The following MGA variants were observed in gnomAD, a reference collection of about 807,000 sequenced individuals.
MGA encodes the protein MAX gene-associated protein.
In MGA, 40 loss-of-function variants were observed where a neutral mutation model predicts 261.1. That is an observed-to-expected ratio of 0.15 (90% CI 0.12 to 0.20). The LOEUF (loss-of-function observed/expected upper bound fraction) is 0.20, where lower values mean the gene tolerates loss of function less well. MGA is among the 10% of genes least tolerant of loss of function. The pLI is 1.00. For missense variants in MGA, 3,397 were observed against 3,630.5 expected (o/e 0.94, Z 1.65); for synonymous variants, 1,302 against 1,290.6 (o/e 1.01, Z -0.19).
At chr15:41,731,951 C>T (rs1309450585) in intron 11 of MGA, among the ~76,000 whole-genome samples, 1 of 152,146 alleles carries the variant, frequency 6.6e-6, no homozygotes, top group Non-Finnish European at 1.5e-5. Flanking sequence ...TGCCAGTGTG[C>T]TGTGCAATTA....
At chr15:41,764,528 C>T (rs2063692782) in intron 22 of MGA, among the ~76,000 whole-genome samples, 1 of 152,128 alleles carries the variant, frequency 6.6e-6, no homozygotes, top group African/African-American at 2.4e-5. Context: ...GCTGGGATTA[C>T]AGGCGTCAGC....
In MGA at chr15:41,705,330, T is replaced by C. The variant is rs139222477; in HGVS notation, c.2189-2398T>C. 5.6e-3 allele frequency among the ~76,000 whole-genome samples: 853 copies of C among 152,220 alleles called. 8 individuals carry two copies. Among genetic ancestry groups the C allele is most frequent in the African/African-American group, 0.02 (822 of 41,550 alleles). On this transcript the variant is annotated intron_variant, in intron 5 of 23. Coordinates refer to ENST00000219905, the MANE Select transcript of MGA (RefSeq NM_001164273.2). Reference sequence around the variant, plus strand: ...CCCTATGCTACCTACTGAAAGTCAGTTGGGAAAACATAACACTAAAGCTTC... The same window carrying C: ...CCCTATGCTACCTACTGAAAGTCAGCTGGGAAAACATAACACTAAAGCTTC...
chr15:41,714,718 C>A (rs549872222), intron 9 of MGA, among the ~76,000 whole-genome samples: 117 of 152,274 alleles, frequency 7.7e-4, no homozygotes, highest in Non-Finnish European at 1.5e-3. Context: ...GTCTTGAACT[C>A]CTGAGCTCAG....
intron 19 of MGA, 139 bp from the exon 20 acceptor site, chr15:41,760,184 A>G (rs1411632972): frequency 2.8e-6 from 2 of 722,598 alleles, no homozygotes; most frequent in East Asian, 5.3e-5. Flanking sequence ...GACTGGTAGT[A>G]AGATGACCAA....
chr15:41,662,134 TC>T (rs2057450891), intron 1 of MGA, among the ~76,000 whole-genome samples: 1 of 152,182 alleles, frequency 6.6e-6, no homozygotes, highest in African/African-American at 2.4e-5. Flanking sequence ...AACGGTTGTT[TC>T]TAGCGTTTGT....
At chr15:41,653,379 A>C (rs1251015371) in intron 1 of MGA, among the ~76,000 whole-genome samples, 1 of 151,332 alleles carries the variant, frequency 6.6e-6, no homozygotes, top group African/African-American at 2.4e-5. Flanking sequence ...AGAAAAAAAA[A>C]CAACAAAAAA....
chr15:41,736,519 G>A lies in MGA; in HGVS notation c.4255G>A (p.Gly1419Ser), dbSNP rs1567054045. 1.2e-6 allele frequency: 2 copies of A among 1,614,004 alleles called. No individual in the cohort carries two copies. The highest frequency in any genetic ancestry group is 1.7e-6 in the Non-Finnish European group (2 of 1,179,892). Residue 1419 changes from glycine to serine, a missense_variant, in exon 13 of 24, where the codon GGT (glycine) becomes AGT (serine). Physicochemically the swap from Gly to Ser is moderately conservative, Grantham distance 56. Transcript: ENST00000219905. ...GAAATCTGGATCAGAGACTCCTGAT[G>A]GTCCATTGTCCCCTGGGAAAATGGA...
chr15:41,765,120 G>A (rs1394853960), intron 23 of MGA, 58 bp downstream of exon 23: 11 of 1,566,878 alleles, frequency 7.0e-6, no homozygotes, highest in Middle Eastern at 1.7e-4. Flanking sequence ...AACATCTCAC[G>A]GTGACCAAGG....
chr15:41,669,697 A>G lies in MGA; in HGVS notation c.803A>G (p.Gln268Arg), dbSNP rs749805079. The G allele has an allele frequency of 1.9e-6, 3 of 1,613,668 alleles. No individual in the cohort carries two copies. The highest frequency in any genetic ancestry group is 1.7e-6 in the Non-Finnish European group (2 of 1,179,696). Residue 268 changes from glutamine to arginine, a missense_variant, in exon 2 of 24, where the codon CAG becomes CGG. Around this residue, in one of 9 missense-constraint regions of MGA, gnomAD observed 563 missense variants for 563.6 expected, o/e 1.00. Transcript: ENST00000219905. Reference sequence around the variant, plus strand: ...GATGATGGGCTGAATAATAAGCCCCAGAGAGATGGAAAACAAAAGAACAGC... The same window carrying G: ...GATGATGGGCTGAATAATAAGCCCCGGAGAGATGGAAAACAAAAGAACAGC...
At chr15:41,743,872 G>A (rs538271972) in intron 15 of MGA, among the ~76,000 whole-genome samples, 31 of 152,104 alleles carry the variant, frequency 2.0e-4, no homozygotes, top group Non-Finnish European at 3.8e-4. Flanking sequence ...TATTGGCTTA[G>A]GTTGAGTGAA....
At position 41,749,854 on chromosome 15, in the gene MGA, G is replaced by A; in HGVS notation, c.6247G>A (p.Val2083Ile). ...TAAGAGTTCCAAAGAAAAAGTGGCTGTTCTGGAAGTTAGGACCATTTCTGA... is the reference window on the plus strand; with the variant it reads ...TAAGAGTTCCAAAGAAAAAGTGGCTATTCTGGAAGTTAGGACCATTTCTGA... The change falls in exon 17 of 24, where the codon GTT becomes ATT. Residue 2083 changes from valine to isoleucine, a missense_variant. Val to Ile is a conservative substitution (Grantham distance 29). Coordinates refer to ENST00000219905, the MANE Select transcript of MGA (RefSeq NM_001164273.2). 1 of 1,613,908 alleles carries A rather than the reference G, an allele frequency of 6.2e-7. No individual in the cohort carries two copies. Among genetic ancestry groups the A allele is most frequent in the Non-Finnish European group, 8.5e-7 (1 of 1,179,882 alleles).
At position 41,729,050 on chromosome 15, in the gene MGA, C is replaced by T; in HGVS notation, c.3658-114C>T. ...TTGTGCTGTTTGATTTGAAAGTTTG[C>T]ATTAAAAAATTTCGACTGTTGTAAT... On this transcript the variant is annotated intron_variant, in intron 10 of 23. Transcript: ENST00000219905. The T allele has an allele frequency of 2.9e-6, 3 of 1,045,976 alleles. No homozygotes were observed. The East Asian group carries it at 7.8e-5, about 27-fold the overall frequency. 64.8% of individuals were successfully genotyped at this position (1,045,976 alleles called of 1,614,324 possible).
At chr15:41,737,341 G>C (rs2061840838) in intron 13 of MGA, among the ~76,000 whole-genome samples, 1 of 150,648 alleles carries the variant, frequency 6.6e-6, no homozygotes, top group Non-Finnish European at 1.5e-5. Flanking sequence ...TTTTAGTAGA[G>C]ACGGGGTTTC....
chr15:41,764,126 T>A (rs1311492164), intron 22 of MGA, among the ~76,000 whole-genome samples: 1 of 151,714 alleles, frequency 6.6e-6, no homozygotes, highest in East Asian at 1.9e-4. Context: ...ACCACTGTGC[T>A]CTAGCCTGTG....
chr15:41,718,312 T>TATATATATATACATATATATATAC (rs2060757111), intron 9 of MGA: 1 of 242,400 alleles, frequency 4.1e-6, no homozygotes, highest in Non-Finnish European at 7.8e-6. Flanking sequence ...TATATATATA[T>TATATATATATACATATATATATAC]ATATATATAC....
chr15:41,628,367 C>CAAAA (rs936932982), intron 1 of MGA, among the ~76,000 whole-genome samples: 1 of 47,084 alleles, frequency 2.1e-5, no homozygotes, highest in East Asian at 6.4e-4. Context: ...ACTCTGTATC[C>CAAAA]AAAAAAAAAA....
At chr15:41,690,317 A>T (rs2059207137) in intron 2 of MGA, among the ~76,000 whole-genome samples, 1 of 152,102 alleles carries the variant, frequency 6.6e-6, no homozygotes, top group African/African-American at 2.4e-5. Flanking sequence ...ACATTACCAC[A>T]TTTTTTTTAT....
chr15:41,763,318 G>T (rs1446930865), intron 22 of MGA, among the ~76,000 whole-genome samples: 1 of 150,690 alleles, frequency 6.6e-6, no homozygotes, highest in African/African-American at 2.4e-5. Flanking sequence ...AGCCAGGATG[G>T]TCTCGATCTC....
chr15:41,745,029 C>T (rs905850628), intron 15 of MGA, among the ~76,000 whole-genome samples: 2 of 152,150 alleles, frequency 1.3e-5, no homozygotes, highest in African/African-American at 2.4e-5. Flanking sequence ...CAGGTGCCCG[C>T]CACCACGCAG....
Sources: allele counts gnomAD v4.1 joint callset (sites outside exome capture counted in the v4.1 genomes callset), GRCh38; gene constraint gnomAD v4.1.1; regional missense constraint gnomAD v4.1.1; transcripts MANE v1.5; gene names NCBI Gene and HGNC (gene_info 2026-07-23, HGNC 2026-07-21).